Variants in MCTP2 observed in about 807,000 individuals in gnomAD.
MCTP2 encodes multiple C2 and transmembrane domain containing 2.
In MCTP2, 132 loss-of-function variants were observed where a neutral mutation model predicts 111.6. That is an observed-to-expected ratio of 1.18 (90% confidence interval 1.03 to 1.37). The LOEUF is 1.37. Ranked by LOEUF, MCTP2 falls within the 40% of genes most tolerant of loss-of-function variation. The pLI, the probability that MCTP2 is intolerant of heterozygous loss-of-function variation, is 0.00. For synonymous variants in MCTP2, 395 were observed against 387.7 expected, an observed-to-expected ratio of 1.02 and a Z score of -0.22; for missense variants, 1,183 against 1,067.9, an observed-to-expected ratio of 1.11 and a Z score of -1.50.
At chr15:94,416,057 T>C (rs59188565) in intron 17 of MCTP2, among the ~76,000 whole-genome samples, 37,847 of 152,004 alleles carry the variant, frequency 0.25, 4,869 homozygotes, top group East Asian at 0.43. Context: ...AGTGCAAGCT[T>C]GCATTCCACC....
chr15:94,478,288 T>C (rs1293942788), intron 22 of MCTP2, among the ~76,000 whole-genome samples: 1 of 152,192 alleles, frequency 6.6e-6, no homozygotes, highest in East Asian at 1.9e-4. Flanking sequence ...CAGTTGGAGA[T>C]GGCATGAACA....
At position 94,239,847 on chromosome 15, in the gene MCTP2, A is replaced by G. The variant is rs572359334; in HGVS notation, c.-66+8183A>G. ...GAATTGTTTTTAAATGTCATGAACT[A>G]TTTATGTGCCCCCAAATTATGTTTG... On this transcript the variant is annotated intron_variant, in intron 1 of 22. Coordinates refer to ENST00000357742, the MANE Select transcript of MCTP2 (RefSeq NM_001385001.1). Among the ~76,000 whole-genome samples the G allele has an allele frequency of 2.6e-5, 4 of 152,282 alleles. No individual in the cohort carries two copies. In the South Asian group the frequency reaches 8.3e-4, roughly 32 times the overall value.
chr15:94,387,672 C>T (rs938995900), intron 14 of MCTP2, among the ~76,000 whole-genome samples: 1 of 152,154 alleles, frequency 6.6e-6, no homozygotes, highest in African/African-American at 2.4e-5. Context: ...GAGGCTCCCT[C>T]CTCTCTTGGA....
intron 17 of MCTP2, among the ~76,000 whole-genome samples, chr15:94,416,596 C>T (rs1457253358): frequency 1.3e-5 from 2 of 152,090 alleles, no homozygotes; most frequent in Non-Finnish European, 2.9e-5. Flanking sequence ...AAATCTGGCC[C>T]ACATGAAGAA....
chr15:94,256,382 G>T (rs554292379), intron 1 of MCTP2, among the ~76,000 whole-genome samples: 1 of 152,066 alleles, frequency 6.6e-6, no homozygotes, highest in African/African-American at 2.4e-5. Flanking sequence ...TTGAATAAGG[G>T]ATACTCAACC....
At chr15:94,244,602 A>C (rs2071590795) in intron 1 of MCTP2, among the ~76,000 whole-genome samples, 2 of 148,448 alleles carry the variant, frequency 1.3e-5, no homozygotes, top group South Asian at 4.2e-4. Flanking sequence ...ACCTATGTTT[A>C]TATACGTATA....
At chr15:94,360,918 C>T (rs865915769) in intron 10 of MCTP2, among the ~76,000 whole-genome samples, 3 of 150,528 alleles carry the variant, frequency 2.0e-5, no homozygotes, top group South Asian at 2.1e-4. Context: ...AAAAGTATCT[C>T]TTGGGAGCTG....
chr15:94,349,819 G>GCAA (rs2078205437), intron 8 of MCTP2, among the ~76,000 whole-genome samples: 1 of 126,554 alleles, frequency 7.9e-6, no homozygotes. Context: ...GACTCTGTCT[G>GCAA]AAAAAAAAAA....
At chr15:94,283,867 A>G (rs2074620465) in intron 1 of MCTP2, among the ~76,000 whole-genome samples, 1 of 152,212 alleles carries the variant, frequency 6.6e-6, no homozygotes, top group Admixed American at 6.5e-5. Context: ...ACATTAAAAA[A>G]TTGATACATT....
chr15:94,311,952 A>G (rs1453905308), intron 2 of MCTP2, among the ~76,000 whole-genome samples: 1 of 152,200 alleles, frequency 6.6e-6, no homozygotes, highest in Non-Finnish European at 1.5e-5. Context: ...CTCCATTTGA[A>G]AGTAGAAGAT....
intron 20 of MCTP2, 69 bp from the exon 21 acceptor site, chr15:94,470,264 C>T (rs2073806284): frequency 1.8e-6 from 2 of 1,134,286 alleles, no homozygotes; most frequent in Non-Finnish European, 2.6e-6. Context: ...ATGAAATAAA[C>T]ATGACAAGTT....
At chr15:94,252,713 C>T (rs1173280167) in intron 1 of MCTP2, among the ~76,000 whole-genome samples, 1 of 151,900 alleles carries the variant, frequency 6.6e-6, no homozygotes, top group Non-Finnish European at 1.5e-5. Flanking sequence ...AATCTGTCAC[C>T]TAAACTTATA....
At chr15:94,426,362 C>T (rs1214539360) in intron 17 of MCTP2, among the ~76,000 whole-genome samples, 1 of 152,058 alleles carries the variant, frequency 6.6e-6, no homozygotes, top group Admixed American at 6.5e-5. Context: ...TGCCATACTT[C>T]TTATTATTCT....
intron 1 of MCTP2, among the ~76,000 whole-genome samples, chr15:94,242,765 G>C (rs1483380309): frequency 6.6e-6 from 1 of 151,342 alleles, no homozygotes; most frequent in Non-Finnish European, 1.5e-5. Flanking sequence ...TTTGAGGTCA[G>C]AAAGCGAGTA....
chr15:94,308,758 T>C lies in MCTP2; in HGVS notation c.466-5524T>C, dbSNP rs562282439. Among the ~76,000 whole-genome samples, 607 of 152,312 alleles carry C rather than the reference T, an allele frequency of 4.0e-3. 2 individuals are homozygous for C. Among genetic ancestry groups the C allele is most frequent in the African/African-American group, 0.014 (583 of 41,562 alleles). Reference sequence around the variant, plus strand: ...CAGAGCTTTGTGGGCCACAGGCCTCTGTCACAACTACTCAAGGTGAGGTCA... The same window carrying C: ...CAGAGCTTTGTGGGCCACAGGCCTCCGTCACAACTACTCAAGGTGAGGTCA... On this transcript the variant is annotated intron_variant, in intron 2 of 22. Transcript: ENST00000357742.
Position 94,385,422 on chromosome 15 carries a change from G to C in MCTP2, c.1686-1G>C. On this transcript the variant is annotated splice_acceptor_variant, in intron 13 of 22. Transcript: ENST00000357742. LOFTEE classifies it high-confidence loss of function. ...TATAATACATGGTATTTTTGTTACAGTCCCATTAAAGATATCCATGATGTT... is the reference window on the plus strand; with the variant it reads ...TATAATACATGGTATTTTTGTTACACTCCCATTAAAGATATCCATGATGTT... 1 of 1,599,844 alleles carries C rather than the reference G, an allele frequency of 6.3e-7. No individual in the cohort carries two copies. The highest frequency in any genetic ancestry group is 1.1e-5 in the South Asian group (1 of 90,746).
chr15:94,480,932 G>A lies in MCTP2; in HGVS notation c.*1898G>A, dbSNP rs779528641. On this transcript the variant is annotated 3_prime_UTR_variant, in exon 23 of 23. Coordinates refer to ENST00000357742, the MANE Select transcript of MCTP2 (RefSeq NM_001385001.1). ...TTAGGACCCAAACACCAGCTGGGACGTAAGAGCAGGACCGAATCAACCTTG... is the reference window on the plus strand; with the variant it reads ...TTAGGACCCAAACACCAGCTGGGACATAAGAGCAGGACCGAATCAACCTTG... 2.6e-5 allele frequency: 4 copies of A among 152,166 alleles called. No homozygotes were observed. The highest frequency in any genetic ancestry group is 2.9e-5 in the Non-Finnish European group (2 of 67,990). The allele number at this position is 152,166 out of a possible 1,614,324, so 9.4% of individuals were successfully genotyped here.
intron 21 of MCTP2, among the ~76,000 whole-genome samples, chr15:94,472,007 A>G (rs1490245406): frequency 1.3e-5 from 2 of 152,190 alleles, no homozygotes; most frequent in Non-Finnish European, 2.9e-5. Context: ...TCAGCTGTTA[A>G]ACATTGCTTC....
intron 1 of MCTP2, among the ~76,000 whole-genome samples, chr15:94,267,147 C>T (rs1363019519): frequency 6.6e-6 from 1 of 152,200 alleles, no homozygotes; most frequent in Non-Finnish European, 1.5e-5. Flanking sequence ...TACGTGCAGT[C>T]TTGTCACCAC....
Sources: allele counts gnomAD v4.1 joint callset (sites outside exome capture counted in the v4.1 genomes callset), GRCh38; gene constraint gnomAD v4.1.1; transcripts MANE v1.5; gene names NCBI Gene and HGNC (gene_info 2026-07-23, HGNC 2026-07-21).